C11orf54: variants seen among roughly 807,000 people sequenced by gnomAD.
C11orf54 encodes the protein beta-keto L-gulonate decarboxylase.
A neutral mutation model predicts 35.5 loss-of-function variants in C11orf54; 29 were observed. That is an observed-to-expected ratio of 0.82 (90% CI 0.61 to 1.11). The LOEUF is 1.11. Ranked by LOEUF, C11orf54 falls within the 50% of genes most tolerant of loss-of-function variation. The probability of loss-of-function intolerance (pLI) is 0.00; values close to 1 mark genes in which losing one functional copy is unlikely to be tolerated. For synonymous variants in C11orf54, 108 were observed against 121.1 expected (o/e 0.89, Z 0.71); for missense variants, 373 against 369.2 (o/e 1.01, Z -0.08).
intron 7 of C11orf54, among the ~76,000 whole-genome samples, chr11:93,758,692 G>A (rs1943296562): frequency 6.6e-6 from 1 of 152,262 alleles, no homozygotes; most frequent in African/African-American, 2.4e-5. Context: ...GCCCCTTCTG[G>A]ATTTGGGGCG....
At position 93,759,782 on chromosome 11, in the gene C11orf54, A is replaced by T. The variant is rs770126324; in HGVS notation, c.698A>T (p.Glu233Val). Reference protein sequence around the residue: ...FSSCPLNSDEEVNKWLHFYEM... With the variant: ...FSSCPLNSDEVVNKWLHFYEM... ...TCCTGCCCCTTGAACTCTGATGAAG[A>T]AGTGAATAAATGGTTGCATTTTTAT... The change falls in exon 8 of 9, where the codon GAA (glutamate) becomes GTA (valine). Residue 233 changes from glutamate to valine, a missense_variant. Physicochemically the swap from Glu to Val is moderately radical, Grantham distance 121 (BLOSUM62 -2). Coordinates refer to ENST00000354421, the MANE Select transcript of C11orf54 (RefSeq NM_001286069.2). 34 of 1,609,772 alleles carry T rather than the reference A, an allele frequency of 2.1e-5. No homozygotes were observed. Among genetic ancestry groups the T allele is most frequent in the African/African-American group, 2.7e-5 (2 of 74,878 alleles).
Position 93,754,000 on chromosome 11 carries a change from G to GAGC in C11orf54, c.296_298dup (p.Ala99dup). The GAGC allele has an allele frequency of 1.2e-6, 2 of 1,614,120 alleles. No homozygotes were observed. The highest frequency in any genetic ancestry group is 1.7e-6 in the Non-Finnish European group (2 of 1,179,986). On this transcript the variant is annotated inframe_insertion, in exon 5 of 9. Transcript: ENST00000354421. ...CCTGGAGCCTTTATTCTTGGAGCAG[G>GAGC]AGCAGGTCCATTTCAGACTCTCGGG...
chr11:93,757,822 C>T (rs1425405791), intron 7 of C11orf54, among the ~76,000 whole-genome samples: 1 of 152,140 alleles, frequency 6.6e-6, no homozygotes, highest in East Asian at 1.9e-4. Flanking sequence ...AGACGCTGCA[C>T]CGGGCCAGAT....
intron 6 of C11orf54, 99 bp downstream of exon 6, chr11:93,755,485 A>C: frequency 7.2e-7 from 1 of 1,384,344 alleles, no homozygotes; most frequent in Non-Finnish European, 9.8e-7. Flanking sequence ...TAAGAAAATT[A>C]GTTTCCCACT....
chr11:93,760,669 T>A (rs569602153), intron 8 of C11orf54, among the ~76,000 whole-genome samples: 1 of 152,270 alleles, frequency 6.6e-6, no homozygotes, highest in Non-Finnish European at 1.5e-5. Context: ...CTCTTTTTTT[T>A]ATTTTTTGTG....
At chr11:93,744,163 G>A (rs923965102) in intron 1 of C11orf54, among the ~76,000 whole-genome samples, 2 of 152,138 alleles carry the variant, frequency 1.3e-5, no homozygotes, top group Admixed American at 6.6e-5. Context: ...AGAGTAGAAC[G>A]CACAAGTGTC....
chr11:93,750,395 A>G lies in C11orf54; in HGVS notation c.105A>G (p.Val35=). ...ACTTTGCTGATGTCCAGGTCTCTGTAGTTGATTGCCCTGATTTGACTAAGG... is the reference window on the plus strand; with the variant it reads ...ACTTTGCTGATGTCCAGGTCTCTGTGGTTGATTGCCCTGATTTGACTAAGG... ...KDNFADVQVS[V]VDCPDLTKEP... Residue 35 remains valine (V), a synonymous_variant, in exon 3 of 9, where the codon GTA becomes GTG. Coordinates refer to ENST00000354421, the MANE Select transcript of C11orf54 (RefSeq NM_001286069.2). 6.2e-7 allele frequency: 1 copy of G among 1,613,868 alleles called. No individual in the cohort carries two copies. Among genetic ancestry groups the G allele is most frequent in the Non-Finnish European group, 8.5e-7 (1 of 1,179,876 alleles).
At chr11:93,748,058 T>G (rs1942579506) in intron 2 of C11orf54, among the ~76,000 whole-genome samples, 1 of 152,200 alleles carries the variant, frequency 6.6e-6, no homozygotes, top group South Asian at 2.1e-4. Flanking sequence ...AACCTCTAGG[T>G]TCTGTTCTAA....
chr11:93,749,627 C>A (rs1467894388), intron 2 of C11orf54, among the ~76,000 whole-genome samples: 1 of 151,426 alleles, frequency 6.6e-6, no homozygotes, highest in East Asian at 1.9e-4. Flanking sequence ...CCAGCCTGGG[C>A]AATATAGCAA....
chr11:93,750,986 C>T (rs935628327), intron 3 of C11orf54, among the ~76,000 whole-genome samples: 2 of 152,138 alleles, frequency 1.3e-5, no homozygotes, highest in African/African-American at 4.8e-5. Context: ...TAAGTAGTAG[C>T]CCTTGTTTAT....
At chr11:93,743,479 G>C (rs902579529) in intron 1 of C11orf54, among the ~76,000 whole-genome samples, 1 of 152,190 alleles carries the variant, frequency 6.6e-6, no homozygotes, top group African/African-American at 2.4e-5. Context: ...GAGTGAATGA[G>C]GCGGGAACTG....
intron 7 of C11orf54, among the ~76,000 whole-genome samples, chr11:93,757,897 A>G (rs570387231): frequency 1.3e-5 from 2 of 152,340 alleles, no homozygotes; most frequent in South Asian, 4.1e-4. Flanking sequence ...AATCCTTTTT[A>G]TTATGATTGT....
intron 8 of C11orf54, among the ~76,000 whole-genome samples, chr11:93,760,834 T>C (rs1943423774): frequency 6.6e-6 from 1 of 151,888 alleles, no homozygotes; most frequent in Non-Finnish European, 1.5e-5. Flanking sequence ...AATTTTTGTA[T>C]TTTCAGTAGA....
In C11orf54 at chr11:93,750,413, G is replaced by T; in HGVS notation, c.123G>T (p.Leu41Phe). The change falls in exon 3 of 9, where the codon TTG (leucine) becomes TTT (phenylalanine). Residue 41 changes from leucine to phenylalanine, a missense_variant. Leu to Phe is a conservative substitution (Grantham distance 22, BLOSUM62 0). Coordinates refer to ENST00000354421, the MANE Select transcript of C11orf54 (RefSeq NM_001286069.2). ...VQVSVVDCPD[L>F]TKEPFTFPVK... The stretch of plus-strand genomic sequence containing the variant: ...TCTCTGTAGTTGATTGCCCTGATTT[G>T]ACTAAGGAACCCTTTACCTTTCCTG... 6.2e-7 allele frequency: 1 copy of T among 1,613,708 alleles called. No homozygotes were observed. Among genetic ancestry groups the T allele is most frequent in the South Asian group, 1.1e-5 (1 of 91,062 alleles).
At chr11:93,753,894 G>A in intron 4 of C11orf54, 42 bp from the exon 5 acceptor site, 1 of 1,586,768 alleles carries the variant, frequency 6.3e-7, no homozygotes, top group Non-Finnish European at 8.6e-7. Flanking sequence ...CAGGGACTTT[G>A]TACAAGTTGT....
chr11:93,759,494 C>T (rs539216612), intron 7 of C11orf54, among the ~76,000 whole-genome samples: 12 of 151,756 alleles, frequency 7.9e-5, no homozygotes, highest in South Asian at 2.1e-4. Context: ...CGGGGCCTTT[C>T]GGGGAGTGGG....
At chr11:93,760,902 G>A (rs149620884) in intron 8 of C11orf54, among the ~76,000 whole-genome samples, 3,601 of 151,914 alleles carry the variant, frequency 0.024, 64 homozygotes, top group South Asian at 0.041. Flanking sequence ...CAAGTGATCC[G>A]CCCGCCTCAG....
At chr11:93,750,518 C>A in intron 3 of C11orf54, 74 bp downstream of exon 3, 2 of 1,158,500 alleles carry the variant, frequency 1.7e-6, no homozygotes, top group South Asian at 1.3e-5. Context: ...TTTTTAAGGA[C>A]ATCTTAAATT....
intron 4 of C11orf54, 21 bp downstream of exon 4, chr11:93,753,776 TATTCAC>T: frequency 6.2e-7 from 1 of 1,608,372 alleles, no homozygotes; most frequent in African/African-American, 1.3e-5. Context: ...TTACTCTGCA[TATTCAC>T]ATGAAGATTG....
Sources: allele counts gnomAD v4.1 joint callset (sites outside exome capture counted in the v4.1 genomes callset), GRCh38; gene constraint gnomAD v4.1.1; transcripts MANE v1.5; gene names NCBI Gene and HGNC (gene_info 2026-07-23, HGNC 2026-07-21).